The following KDM6A variants were observed in gnomAD, a reference collection of about 807,000 sequenced individuals.
KDM6A encodes lysine-specific demethylase 6A.
A neutral mutation model predicts 117.6 loss-of-function variants in KDM6A; 11 were observed. That is an observed-to-expected ratio of 0.09 (90% CI 0.06 to 0.15). The LOEUF (loss-of-function observed/expected upper bound fraction) is 0.15. Among genes scored for constraint, KDM6A ranks in the 10% least tolerant of loss-of-function variants. The probability of loss-of-function intolerance (pLI) is 1.00; values close to 1 mark genes in which losing one functional copy is unlikely to be tolerated. For synonymous variants in KDM6A, 384 were observed against 396.1 expected (o/e 0.97, Z 0.36); for missense variants, 799 against 1,077.3 (o/e 0.74, Z 3.62).
rs754340248 is a variant in KDM6A, at chrX:45,017,254, G to A, written c.444-3356G>A. ...ATGGTTTCTGGTAGCTATTTCTCAT[G>A]TTCTAAAATTCCATCAGTCAGAATT... On this transcript the variant is annotated intron_variant, in intron 5 of 29. Coordinates refer to ENST00000611820, the MANE Select transcript of KDM6A (RefSeq NM_001291415.2). Among the ~76,000 whole-genome samples the A allele has an allele frequency of 2.7e-5, 3 of 110,321 alleles. No homozygotes were observed. In the South Asian group the frequency reaches 1.1e-3, roughly 41 times the overall value.
intron 2 of KDM6A, among the ~76,000 whole-genome samples, chrX:44,879,415 A>G (rs986464858): frequency 1.8e-5 from 2 of 112,253 alleles, no homozygotes; most frequent in Admixed American, 1.9e-4. Flanking sequence ...ACTCACATGT[A>G]TTATTTGTAG....
chrX:45,029,337 A>C (rs760961369), intron 6 of KDM6A, among the ~76,000 whole-genome samples: 1 of 111,344 alleles, frequency 9.0e-6, no homozygotes, highest in Non-Finnish European at 1.9e-5. Context: ...CGGGAGGCTG[A>C]GGCAGGAGAA....
intron 4 of KDM6A, among the ~76,000 whole-genome samples, chrX:45,006,567 T>C (rs772859178): frequency 4.6e-5 from 5 of 109,732 alleles, no homozygotes; most frequent in African/African-American, 1.7e-4. Context: ...CTAATTCCAA[T>C]TGGCTGATTT....
intron 8 of KDM6A, among the ~76,000 whole-genome samples, chrX:45,045,996 A>C (rs1409643093): frequency 8.9e-6 from 1 of 111,757 alleles, no homozygotes; most frequent in Non-Finnish European, 1.9e-5. Context: ...AATAAAAGAC[A>C]GTATAATAAG....
chrX:45,088,999 A>G (rs749293073), intron 25 of KDM6A, among the ~76,000 whole-genome samples: 1 of 111,976 alleles, frequency 8.9e-6, no homozygotes, highest in South Asian at 3.7e-4. Context: ...CTCAGAAATT[A>G]AGGGAAGTTC....
intron 16 of KDM6A, 85 bp downstream of exon 16, chrX:45,062,833 G>A: frequency 1.6e-6 from 1 of 610,301 alleles, no homozygotes; most frequent in South Asian, 2.5e-5. Flanking sequence ...GCATGTTTAT[G>A]TTCATTTTTA....
chrX:44,990,553 C>CATAAATAAATAAATAAATAAATAA (rs373439965), intron 4 of KDM6A, among the ~76,000 whole-genome samples: 5 of 93,830 alleles, frequency 5.3e-5, no homozygotes, highest in Non-Finnish European at 4.2e-5. Context: ...TGTCTCAAAA[C>CATAAATAAATAAATAAATAAATAA]ATAAATAAAT....
Position 45,019,780 on chromosome X carries a change from ATTATT to A in KDM6A, c.444-826_444-822del, listed in dbSNP as rs770183642. 7.2e-5 allele frequency among the ~76,000 whole-genome samples: 8 copies of A among 111,834 alleles called. No individual in the cohort carries two copies. The East Asian group carries it at 2.0e-3, about 27-fold the overall frequency. On this transcript the variant is annotated intron_variant, in intron 5 of 29. Coordinates refer to ENST00000611820, the MANE Select transcript of KDM6A (RefSeq NM_001291415.2). Reference sequence around the variant, plus strand: ...TTCAAAGTAGACATTTTTCTTTGTCATTATTTTAATATTTATTTTTGAGTAGGCAA... The same window carrying A: ...TTCAAAGTAGACATTTTTCTTTGTCATTAATATTTATTTTTGAGTAGGCAA...
intron 6 of KDM6A, among the ~76,000 whole-genome samples, chrX:45,033,809 TCCCAAAG>T (rs2042699537): frequency 9.0e-6 from 1 of 110,731 alleles, no homozygotes; most frequent in Non-Finnish European, 1.9e-5. Flanking sequence ...CACCTAGAAC[TCCCAAAG>T]TGCTGGGATT....
Position 45,076,699 on chromosome X carries a change from A to G in KDM6A, c.2861A>G (p.Asn954Ser). The G allele has an allele frequency of 8.9e-7, 1 of 1,126,639 alleles. No individual in the cohort carries two copies. Among genetic ancestry groups the G allele is most frequent in the Non-Finnish European group, 1.2e-6 (1 of 833,907 alleles). 92.8% of individuals were successfully genotyped at this position (1,126,639 alleles called of 1,213,427 possible). ...TATCCCTTTTTTTTTTTTTCCAGGA[A>G]TCTAGGTAAAAATGGCTTATCTAAC... The part of the protein sequence containing the change: ...SSAEVLKACR[N>S]LGKNGLSNSS... The change falls in exon 19 of 30, where the codon AAT becomes AGT. Residue 954 changes from asparagine (N) to serine (S), a missense_variant and splice_region_variant. This residue lies in a region of KDM6A where 291 missense variants were observed against 437.9 expected (regional missense o/e 0.66). Coordinates refer to ENST00000611820, the MANE Select transcript of KDM6A (RefSeq NM_001291415.2).
intron 2 of KDM6A, among the ~76,000 whole-genome samples, chrX:44,944,959 T>A (rs1181857386): frequency 4.5e-5 from 5 of 111,558 alleles, no homozygotes; most frequent in Non-Finnish European, 9.4e-5. Flanking sequence ...ATTTTCCTTC[T>A]GCCTGAGAAT....
At chrX:45,000,737 G>A (rs2147488408) in intron 4 of KDM6A, among the ~76,000 whole-genome samples, 1 of 112,818 alleles carries the variant, frequency 8.9e-6, no homozygotes, top group African/African-American at 3.2e-5. Context: ...GGAGATGGAA[G>A]CTGGATGGCC....
At chrX:44,952,365 A>G (rs1323963703) in intron 2 of KDM6A, among the ~76,000 whole-genome samples, 4 of 102,865 alleles carry the variant, frequency 3.9e-5, no homozygotes, top group Non-Finnish European at 7.8e-5. Context: ...TCCGCTTCCT[A>G]GGTTCGAGCG....
intron 14 of KDM6A, among the ~76,000 whole-genome samples, chrX:45,060,987 A>G (rs2044263864): frequency 9.0e-6 from 1 of 111,422 alleles, no homozygotes; most frequent in Admixed American, 9.6e-5. Context: ...CCTGCCGTTA[A>G]GATCCCAGCA....
chrX:45,065,333 T>A (rs1247651800), intron 17 of KDM6A, among the ~76,000 whole-genome samples: 1 of 111,713 alleles, frequency 9.0e-6, no homozygotes, highest in Non-Finnish European at 1.9e-5. Context: ...GTGCTCCAGC[T>A]GGAAACAGGA....
chrX:45,029,540 A>AG (rs1186891634), intron 6 of KDM6A, among the ~76,000 whole-genome samples: 6 of 108,046 alleles, frequency 5.6e-5, no homozygotes, highest in Non-Finnish European at 9.5e-5. Flanking sequence ...TGAACTGGGG[A>AG]GGTGGAGGTT....
In KDM6A at chrX:44,873,509, A is replaced by AG. The variant is rs756752068; in HGVS notation, c.-36dup. The AG allele has an allele frequency of 5.3e-5, 64 of 1,204,170 alleles. No individual in the cohort carries two copies. Among genetic ancestry groups the AG allele is most frequent in the African/African-American group, 8.9e-5 (5 of 56,266 alleles). Reference sequence around the variant, plus strand: ...GGGCGTCACTGCGGGCCCCGGTCCGAGGGGGGGTGTCGGCGTTGGAGTTGT... The same window carrying AG: ...GGGCGTCACTGCGGGCCCCGGTCCGAGGGGGGGGTGTCGGCGTTGGAGTTGT... On this transcript the variant is annotated 5_prime_UTR_variant, in exon 1 of 30. Transcript: ENST00000611820.
At position 45,042,013 on chromosome X, in the gene KDM6A, G is replaced by T. The variant is rs1361430968; in HGVS notation, c.654+4324G>T. Among the ~76,000 whole-genome samples, 6 of 110,661 alleles carry T rather than the reference G, an allele frequency of 5.4e-5. No individual in the cohort carries two copies. In the Admixed American group the frequency reaches 5.6e-4, roughly 10 times the overall value. On this transcript the variant is annotated intron_variant, in intron 8 of 29. Transcript: ENST00000611820. ...GTCTGCAATCCCGGCACCTCGGGAG[G>T]CCGAGGCTGGCGGATCACTCGCGGT... is the stretch of plus-strand genomic sequence containing the variant.
intron 8 of KDM6A, among the ~76,000 whole-genome samples, chrX:45,041,508 G>A (rs1424204977): frequency 8.1e-4 from 86 of 105,566 alleles, no homozygotes; most frequent in African/African-American, 2.9e-3. Context: ...GGTGGCTGCC[G>A]GACGGAGGGG....
Sources: gnomAD v4.1 joint callset for allele counts (sites outside exome capture counted in the v4.1 genomes callset) on GRCh38, gnomAD v4.1.1 for gene constraint, gnomAD v4.1.1 regional missense constraint, MANE v1.5 for transcripts, NCBI Gene and HGNC (gene_info 2026-07-23, HGNC 2026-07-21) for gene names.